RANBP17: variants seen among roughly 807,000 people sequenced by gnomAD.
RANBP17 encodes the protein RAN binding protein 17.
A neutral mutation model predicts 141.2 loss-of-function variants in RANBP17; 158 were observed. That is an observed-to-expected ratio of 1.12 (90% CI 0.98 to 1.28). The LOEUF is 1.28. RANBP17 is among the 50% of genes most tolerant of loss of function. The pLI, the probability that RANBP17 is intolerant of heterozygous loss-of-function variation, is 0.00. For synonymous variants in RANBP17, 430 were observed against 450.0 expected (o/e 0.96, Z 0.56); for missense variants, 1,438 against 1,290.7 (o/e 1.11, Z -1.75).
intron 12 of RANBP17, among the ~76,000 whole-genome samples, chr5:170,931,072 G>T (rs1043085975): frequency 2.0e-4 from 31 of 152,178 alleles, no homozygotes; most frequent in Non-Finnish European, 4.3e-4. Flanking sequence ...TCCAGCACCT[G>T]TTGTTTCCTG....
At chr5:171,062,589 A>C (rs560378665) in intron 14 of RANBP17, among the ~76,000 whole-genome samples, 7 of 152,200 alleles carry the variant, frequency 4.6e-5, no homozygotes, top group African/African-American at 1.4e-4. Context: ...GGCTGCCCTT[A>C]AAATTTTTTC....
Position 171,183,152 on chromosome 5 carries a change from C to A in RANBP17, c.1866-15C>A. The A allele has an allele frequency of 7.3e-7, 1 of 1,370,876 alleles. No homozygotes were observed. The highest frequency in any genetic ancestry group is 1.0e-6 in the Non-Finnish European group (1 of 961,082). The allele number at this position is 1,370,876 out of a possible 1,614,324, so 84.9% of individuals were successfully genotyped here. ...ATTACAAATATATTTCCTTAGATTCCTTAACTTCTATTACTTATATCCTTT... is the reference window on the plus strand; with the variant it reads ...ATTACAAATATATTTCCTTAGATTCATTAACTTCTATTACTTATATCCTTT... On this transcript the variant is annotated splice_polypyrimidine_tract_variant and intron_variant, in intron 16 of 27. Transcript: ENST00000523189.
intron 14 of RANBP17, among the ~76,000 whole-genome samples, chr5:171,094,707 G>A (rs1786552442): frequency 2.0e-5 from 3 of 152,170 alleles, no homozygotes; most frequent in Admixed American, 2.0e-4. Context: ...TTATGGAAGA[G>A]TTTGCTGTCT....
chr5:171,174,849 G>A (rs868236928), intron 16 of RANBP17, among the ~76,000 whole-genome samples: 4 of 151,194 alleles, frequency 2.6e-5, no homozygotes, highest in African/African-American at 7.3e-5. Flanking sequence ...TGTGCAGAAC[G>A]TGGAGGTTTG....
At chr5:171,088,756 G>A (rs542188582) in intron 14 of RANBP17, among the ~76,000 whole-genome samples, 148 of 152,004 alleles carry the variant, frequency 9.7e-4, no homozygotes, top group Non-Finnish European at 1.4e-3. Context: ...TGATCGCATC[G>A]GCTCCTGAGG....
intron 22 of RANBP17, among the ~76,000 whole-genome samples, chr5:171,225,504 TC>T (rs1426219175): frequency 6.6e-6 from 1 of 152,166 alleles, no homozygotes; most frequent in African/African-American, 2.4e-5. Flanking sequence ...TGGAGGAAGA[TC>T]ATGTAGTTGC....
chr5:170,921,990 T>C (rs954953528), intron 11 of RANBP17, among the ~76,000 whole-genome samples: 1 of 152,192 alleles, frequency 6.6e-6, no homozygotes, highest in African/African-American at 2.4e-5. Flanking sequence ...GTCTTTGATG[T>C]TGGTGACCTA....
At chr5:171,136,539 C>T (rs1346853678) in intron 14 of RANBP17, among the ~76,000 whole-genome samples, 1 of 152,050 alleles carries the variant, frequency 6.6e-6, no homozygotes, top group Non-Finnish European at 1.5e-5. Context: ...GGACTTTTAG[C>T]AGCAAACACA....
chr5:171,089,340 G>A (rs1786008459), intron 14 of RANBP17, among the ~76,000 whole-genome samples: 1 of 143,280 alleles, frequency 7.0e-6, no homozygotes, highest in African/African-American at 2.6e-5. Flanking sequence ...CTGCGTGCTG[G>A]GAGAACCACT....
intron 14 of RANBP17, among the ~76,000 whole-genome samples, chr5:170,999,421 T>C (rs1046481045): frequency 1.3e-5 from 2 of 152,172 alleles, no homozygotes; most frequent in Non-Finnish European, 2.9e-5. Context: ...GTCCATTAAC[T>C]GAAACATTAG....
rs529255748 is a variant in RANBP17, at chr5:170,914,310, C to G, written c.834+70C>G. 64 of 955,786 alleles carry G rather than the reference C, an allele frequency of 6.7e-5. No homozygotes were observed. The African/African-American group carries it at 8.6e-4, about 13-fold the overall frequency. 59.2% of individuals were successfully genotyped at this position (955,786 alleles called of 1,614,324 possible). A position where few individuals can be genotyped will look rare whatever the true frequency, so the allele number is the denominator to read the frequency against. On this transcript the variant is annotated intron_variant, in intron 8 of 27. Transcript: ENST00000523189. ...AATAAGGGGTGGTATATATTTACTT[C>G]AAAAATTCTGTTTATATATTCAATT...
At chr5:171,062,565 C>T (rs1783967978) in intron 14 of RANBP17, among the ~76,000 whole-genome samples, 1 of 152,080 alleles carries the variant, frequency 6.6e-6, no homozygotes, top group Non-Finnish European at 1.5e-5. Context: ...GAGGGTAACC[C>T]AACCTTTCTC....
chr5:170,991,429 T>C (rs531100419), intron 14 of RANBP17, among the ~76,000 whole-genome samples: 2 of 152,010 alleles, frequency 1.3e-5, no homozygotes, highest in Non-Finnish European at 2.9e-5. Flanking sequence ...GTAAAGGTAG[T>C]CACCGTATTC....
chr5:170,997,676 T>A lies in RANBP17; in HGVS notation c.1710+29299T>A, dbSNP rs530290911. On this transcript the variant is annotated intron_variant, in intron 14 of 27. Coordinates refer to ENST00000523189, the MANE Select transcript of RANBP17 (RefSeq NM_022897.5). The stretch of plus-strand genomic sequence containing the variant: ...GCGTATACTAATCCAGTATTTCTGT[T>A]TAAATTCAGTATGAACAGACTCACA... Among the ~76,000 whole-genome samples the A allele has an allele frequency of 2.6e-5, 4 of 152,286 alleles. No homozygotes were observed. In the South Asian group the frequency reaches 8.3e-4, roughly 32 times the overall value.
At chr5:171,081,893 G>C (rs1313969327) in intron 14 of RANBP17, among the ~76,000 whole-genome samples, 1 of 152,050 alleles carries the variant, frequency 6.6e-6, no homozygotes, top group African/African-American at 2.4e-5. Flanking sequence ...CTGTTTTAGA[G>C]CAGTCACTTA....
At chr5:170,893,240 C>CAA in intron 4 of RANBP17, among the ~76,000 whole-genome samples, 1 of 146,324 alleles carries the variant, frequency 6.8e-6, no homozygotes, top group African/African-American at 2.5e-5. Flanking sequence ...TATGGACAGC[C>CAA]AAAAAAAAAA....
At chr5:171,035,756 T>TA (rs35271203) in intron 14 of RANBP17, among the ~76,000 whole-genome samples, 5 of 144,112 alleles carry the variant, frequency 3.5e-5, no homozygotes, top group African/African-American at 1.4e-4. Flanking sequence ...TTTTTTTTTT[T>TA]AAGTAATTTC....
In RANBP17 at chr5:171,023,173, CT is replaced by C. The variant is rs1780996484; in HGVS notation, c.1710+54801del. Among the ~76,000 whole-genome samples, 6 of 152,304 alleles carry C rather than the reference CT, an allele frequency of 3.9e-5. No homozygotes were observed. In the South Asian group the frequency reaches 1.2e-3, roughly 32 times the overall value. ...AAGGATTCACATGCCTATTATAGTT[CT>C]TTTTAATGGGACCCTCTGAACGCCG... On this transcript the variant is annotated intron_variant, in intron 14 of 27. Coordinates refer to ENST00000523189, the MANE Select transcript of RANBP17 (RefSeq NM_022897.5).
At chr5:170,951,127 C>A (rs1469338941) in intron 12 of RANBP17, among the ~76,000 whole-genome samples, 2 of 151,862 alleles carry the variant, frequency 1.3e-5, no homozygotes, top group African/African-American at 4.8e-5. Flanking sequence ...TACAAACATA[C>A]AGTTAGATAA....
Sources: gnomAD v4.1 joint callset for allele counts (sites outside exome capture counted in the v4.1 genomes callset) on GRCh38, gnomAD v4.1.1 for gene constraint, MANE v1.5 for transcripts, NCBI Gene and HGNC (gene_info 2026-07-23, HGNC 2026-07-21) for gene names.